The following PPARGC1A variants were observed in gnomAD, a reference collection of about 807,000 sequenced individuals.
PPARGC1A encodes the protein peroxisome proliferator-activated receptor gamma coactivator 1-alpha.
PPARGC1A carries 25 observed loss-of-function variants against 88.7 expected under a neutral mutation model. The observed-to-expected ratio is 0.28, with a 90% CI of 0.21 to 0.39. The LOEUF is 0.39. PPARGC1A is among the 10% of genes least tolerant of loss of function. PPARGC1A has a pLI of 1.00. For missense variants in PPARGC1A, 880 were observed against 968.7 expected, an observed-to-expected ratio of 0.91 and a Z score of 1.22; for synonymous variants, 363 against 355.6, an observed-to-expected ratio of 1.02 and a Z score of -0.24.
rs1716816503 is a variant in PPARGC1A, at chr4:23,792,538, T to C, written c.*3284A>G. 1 of 152,506 alleles carries C rather than the reference T, an allele frequency of 6.6e-6. No individual in the cohort carries two copies. The highest frequency in any genetic ancestry group is 2.4e-5 in the African/African-American group (1 of 41,406). The allele number at this position is 152,506 out of a possible 1,614,324, so 9.4% of individuals were successfully genotyped here. A position where few individuals can be genotyped will look rare whatever the true frequency, so the allele number is the denominator to read the frequency against. On this transcript the variant is annotated 3_prime_UTR_variant, in exon 13 of 13. Transcript: ENST00000264867. ...CTTTGAATGTTGACAGCCCAACTGT[T>C]GTTCTCGGAGTCGTTTAGCAAAAAA...
intron 10 of PPARGC1A, among the ~76,000 whole-genome samples, chr4:23,810,934 G>A (rs557539509): frequency 6.6e-6 from 1 of 152,214 alleles, no homozygotes; most frequent in Non-Finnish European, 1.5e-5. Flanking sequence ...AGTGATATTA[G>A]AAAAATTGAA....
At chr4:23,815,200 A>C (rs1383830463) in intron 7 of PPARGC1A, among the ~76,000 whole-genome samples, 1 of 152,064 alleles carries the variant, frequency 6.6e-6, no homozygotes. Flanking sequence ...CTTCAAAGTA[A>C]GTTCAGTGAA....
At chr4:23,922,089 G>A in the PPARGC1A span, among the ~76,000 whole-genome samples, 2 of 152,186 alleles carry the variant, frequency 1.3e-5, no homozygotes, top group African/African-American at 2.4e-5. Context: ...GATGGATTTT[G>A]ACCTTATGGA....
the PPARGC1A span, among the ~76,000 whole-genome samples, chr4:24,092,047 G>A: frequency 1.3e-5 from 2 of 151,940 alleles, no homozygotes; most frequent in African/African-American, 4.8e-5. Flanking sequence ...TTACATAGTA[G>A]CAACACATTT....
In PPARGC1A at chr4:23,828,620, T is replaced by A. The variant is rs750086883; in HGVS notation, c.553-16A>T. On this transcript the variant is annotated splice_polypyrimidine_tract_variant and intron_variant, in intron 4 of 12. Coordinates refer to ENST00000264867, the MANE Select transcript of PPARGC1A (RefSeq NM_013261.5). The stretch of plus-strand genomic sequence containing the variant: ...AATTCTCAGTCTTAAAAACAAGGCA[T>A]AAAGAAAGCTAAAATTAGTGAACTG... The A allele has an allele frequency of 1.2e-6, 2 of 1,610,664 alleles. No individual in the cohort carries two copies. Among genetic ancestry groups the A allele is most frequent in the Non-Finnish European group, 1.7e-6 (2 of 1,177,064 alleles).
At chr4:23,856,917 C>T (rs1205827718) in intron 2 of PPARGC1A, among the ~76,000 whole-genome samples, 1 of 151,976 alleles carries the variant, frequency 6.6e-6, no homozygotes, top group Non-Finnish European at 1.5e-5. Context: ...GGACACTTTC[C>T]GTTTTACAGA....
intron 10 of PPARGC1A, among the ~76,000 whole-genome samples, chr4:23,806,345 A>G (rs1434287450): frequency 6.6e-6 from 1 of 152,226 alleles, no homozygotes; most frequent in Non-Finnish European, 1.5e-5. Context: ...TCTTTTAAAC[A>G]TGTTGCAGTT....
At chr4:24,317,225 T>C in the PPARGC1A span, among the ~76,000 whole-genome samples, 1 of 152,068 alleles carries the variant, frequency 6.6e-6, no homozygotes, top group South Asian at 2.1e-4. Context: ...TCAAACACTA[T>C]ATACTGCAAC....
chr4:24,274,729 G>T, the PPARGC1A span, among the ~76,000 whole-genome samples: 1 of 152,136 alleles, frequency 6.6e-6, no homozygotes, highest in Non-Finnish European at 1.5e-5. Context: ...AGATGAAAGA[G>T]ACCACCAAAA....
chr4:24,194,773 T>G, the PPARGC1A span, among the ~76,000 whole-genome samples: 646 of 152,306 alleles, frequency 4.2e-3, 7 homozygotes, highest in African/African-American at 0.015. Flanking sequence ...AATGATTGTT[T>G]CATTCCTGGT....
chr4:24,315,644 C>A, the PPARGC1A span, among the ~76,000 whole-genome samples: 1 of 152,258 alleles, frequency 6.6e-6, no homozygotes, highest in Non-Finnish European at 1.5e-5. Context: ...GGACATTTAG[C>A]AATATCTAGA....
chr4:24,157,441 C>T, the PPARGC1A span, among the ~76,000 whole-genome samples: 11 of 152,298 alleles, frequency 7.2e-5, no homozygotes, highest in African/African-American at 2.4e-4. Flanking sequence ...TCTTTATTCT[C>T]TTCCTAGAAA....
At chr4:24,471,866 T>C in the PPARGC1A span, among the ~76,000 whole-genome samples, 3 of 152,182 alleles carry the variant, frequency 2.0e-5, no homozygotes, top group Non-Finnish European at 2.9e-5. The surrounding 1 kb of genome is among the most constrained non-coding windows in gnomAD (Gnocchi z 5.4). Flanking sequence ...ACGCCTCTAC[T>C]TGAGATTGCA....
the PPARGC1A span, among the ~76,000 whole-genome samples, chr4:24,114,528 G>C: frequency 6.6e-6 from 1 of 152,180 alleles, no homozygotes; most frequent in Non-Finnish European, 1.5e-5. Flanking sequence ...CACTCCAAAC[G>C]AGGTTCCTTC....
At chr4:24,111,399 A>AT in the PPARGC1A span, among the ~76,000 whole-genome samples, 1 of 152,162 alleles carries the variant, frequency 6.6e-6, no homozygotes, top group African/African-American at 2.4e-5. Flanking sequence ...TTAAAAAGAT[A>AT]TTTTTTGACA....
At chr4:24,328,691 C>T in the PPARGC1A span, among the ~76,000 whole-genome samples, 1 of 152,148 alleles carries the variant, frequency 6.6e-6, no homozygotes, top group Non-Finnish European at 1.5e-5. Flanking sequence ...TATTTTGCAA[C>T]TTGAGGGGTT....
chr4:24,309,365 T>C, the PPARGC1A span, among the ~76,000 whole-genome samples: 1 of 152,124 alleles, frequency 6.6e-6, no homozygotes, highest in Non-Finnish European at 1.5e-5. Context: ...TGTAAAATCC[T>C]GGAAGTGAGA....
chr4:23,865,043 G>T (rs1018591481), intron 2 of PPARGC1A, among the ~76,000 whole-genome samples: 2 of 152,150 alleles, frequency 1.3e-5, no homozygotes, highest in African/African-American at 4.8e-5. Flanking sequence ...AAATTTGCTG[G>T]GCATGGTAGT....
the PPARGC1A span, among the ~76,000 whole-genome samples, chr4:23,986,325 A>T: frequency 1.3e-5 from 2 of 152,114 alleles, no homozygotes; most frequent in Non-Finnish European, 2.9e-5. Context: ...GGTTCGTGGC[A>T]TTCTTCATCA....
Sources: allele counts gnomAD v4.1 joint callset (sites outside exome capture counted in the v4.1 genomes callset), GRCh38; gene constraint gnomAD v4.1.1; non-coding constraint Gnocchi (gnomAD v3.1); transcripts MANE v1.5; gene names NCBI Gene and HGNC (gene_info 2026-07-23, HGNC 2026-07-21).